The following DCC variants were observed in gnomAD, a reference collection of about 807,000 sequenced individuals.
DCC encodes the protein netrin receptor DCC.
DCC carries 58 observed loss-of-function variants against 172.5 expected under a neutral mutation model. The observed-to-expected ratio is 0.34, with a 90% confidence interval of 0.27 to 0.42. The LOEUF (loss-of-function observed/expected upper bound fraction) is 0.42, where lower values mean the gene tolerates loss of function less well. Among genes scored for constraint, DCC ranks in the 10% least tolerant of loss-of-function variants. The probability of loss-of-function intolerance (pLI) is 1.00; values close to 1 mark genes in which losing one functional copy is unlikely to be tolerated. For synonymous variants in DCC, 709 were observed against 644.5 expected, an observed-to-expected ratio of 1.10 and a Z score of -1.52; for missense variants, 1,740 against 1,791.0, an observed-to-expected ratio of 0.97 and a Z score of 0.51.
At position 52,494,406 on chromosome 18, in the gene DCC, T is replaced by C. The variant is rs544708482; in HGVS notation, c.91+153528T>C. On this transcript the variant is annotated intron_variant, in intron 1 of 28. Coordinates refer to ENST00000442544, the MANE Select transcript of DCC (RefSeq NM_005215.4). ...CAGTTTGGAAAGTCCTCAGCCATTA[T>C]GTCTTCAAAGATTGCTTTTGCCTCA... 1.1e-4 allele frequency among the ~76,000 whole-genome samples: 16 copies of C among 152,112 alleles called. No homozygotes were observed. In the South Asian group the frequency reaches 3.1e-3, roughly 30 times the overall value.
chr18:52,830,790 A>G (rs374506389), intron 2 of DCC, among the ~76,000 whole-genome samples: 66 of 152,278 alleles, frequency 4.3e-4, no homozygotes, highest in African/African-American at 1.5e-3. Flanking sequence ...CATTTCCATT[A>G]AATGTAGGTT....
intron 1 of DCC, among the ~76,000 whole-genome samples, chr18:52,368,032 A>G (rs1379331813): frequency 6.6e-6 from 1 of 152,200 alleles, no homozygotes; most frequent in Admixed American, 6.5e-5. Flanking sequence ...TGAACTTTGC[A>G]GGTTTTGGAC....
At chr18:52,412,011 G>C (rs1232102) in intron 1 of DCC, among the ~76,000 whole-genome samples, 37,253 of 151,922 alleles carry the variant, frequency 0.25, 4,666 homozygotes, top group Admixed American at 0.29. Context: ...CACATTTCAA[G>C]ATTCTATTCA....
chr18:53,072,878 C>T (rs566643464), intron 7 of DCC, among the ~76,000 whole-genome samples: 118 of 152,264 alleles, frequency 7.7e-4, no homozygotes, highest in Middle Eastern at 6.8e-3. Context: ...AGCTGTGTGA[C>T]ATTAGGCCAG....
At chr18:52,709,051 C>T (rs998459522) in intron 1 of DCC, among the ~76,000 whole-genome samples, 2 of 152,134 alleles carry the variant, frequency 1.3e-5, no homozygotes, top group African/African-American at 4.8e-5. Flanking sequence ...TTTTTCGCTA[C>T]CTCCATCCCT....
chr18:52,871,588 G>T (rs929552516), intron 2 of DCC, among the ~76,000 whole-genome samples: 2 of 152,056 alleles, frequency 1.3e-5, no homozygotes, highest in Non-Finnish European at 2.9e-5. Context: ...CTTCATAGCT[G>T]GGACTACAGG....
intron 5 of DCC, among the ~76,000 whole-genome samples, chr18:52,966,001 C>T (rs1170167401): frequency 6.6e-6 from 1 of 152,152 alleles, no homozygotes; most frequent in African/African-American, 2.4e-5. Context: ...TGTGGGGACC[C>T]ATAAAGGAAT....
intron 1 of DCC, among the ~76,000 whole-genome samples, chr18:52,705,435 GC>G (rs993384539): frequency 2.6e-5 from 4 of 152,318 alleles, no homozygotes; most frequent in African/African-American, 9.6e-5. Flanking sequence ...AAATGTTGCT[GC>G]TTGTGCAAAA....
chr18:52,472,641 G>A (rs576667223), intron 1 of DCC, among the ~76,000 whole-genome samples: 53 of 152,202 alleles, frequency 3.5e-4, no homozygotes, highest in African/African-American at 1.3e-3. Flanking sequence ...AGTGGCTCAC[G>A]CCTGCTATCC....
intron 1 of DCC, among the ~76,000 whole-genome samples, chr18:52,425,548 C>T (rs565254518): frequency 1.7e-4 from 26 of 152,212 alleles, no homozygotes; most frequent in Admixed American, 3.3e-4. Flanking sequence ...ACACTGGGAA[C>T]GTTATGACTA....
chr18:52,518,961 G>A (rs943488322), intron 1 of DCC, among the ~76,000 whole-genome samples: 4 of 152,166 alleles, frequency 2.6e-5, no homozygotes, highest in African/African-American at 9.7e-5. Context: ...CTAAATGAAG[G>A]CCAGAGAATG....
intron 1 of DCC, among the ~76,000 whole-genome samples, chr18:52,700,167 C>T (rs59570306): frequency 0.12 from 18,330 of 150,124 alleles, 1,321 homozygotes; most frequent in East Asian, 0.29. Context: ...CACATGCACA[C>T]GCACACACAC....
At chr18:53,166,432 A>G (rs1224714225) in intron 8 of DCC, among the ~76,000 whole-genome samples, 1 of 152,176 alleles carries the variant, frequency 6.6e-6, no homozygotes, top group East Asian at 1.9e-4. Flanking sequence ...TGCTCGCTAC[A>G]GCTAGAGAAG....
At chr18:52,447,574 C>T (rs1988164880) in intron 1 of DCC, among the ~76,000 whole-genome samples, 1 of 152,102 alleles carries the variant, frequency 6.6e-6, no homozygotes, top group African/African-American at 2.4e-5. Context: ...CTAGTCTGTT[C>T]TCGAACTGCT....
chr18:53,063,085 G>A (rs1300290422), intron 5 of DCC, among the ~76,000 whole-genome samples: 2 of 149,326 alleles, frequency 1.3e-5, no homozygotes, highest in African/African-American at 4.9e-5. Context: ...TTCTTTCCTT[G>A]TGGCAGAACA....
chr18:52,538,348 C>G (rs2032343881), intron 1 of DCC, among the ~76,000 whole-genome samples: 1 of 152,150 alleles, frequency 6.6e-6, no homozygotes, highest in Non-Finnish European at 1.5e-5. Flanking sequence ...CTCCTCCAAC[C>G]CACTGCAATT....
At chr18:52,993,340 C>T (rs1490357614) in intron 5 of DCC, among the ~76,000 whole-genome samples, 1 of 152,060 alleles carries the variant, frequency 6.6e-6, no homozygotes, top group East Asian at 1.9e-4. Context: ...GGCAAAGGTA[C>T]AATAATGTGC....
chr18:53,167,237 T>C (rs535843232), intron 8 of DCC, among the ~76,000 whole-genome samples: 1 of 152,328 alleles, frequency 6.6e-6, no homozygotes, highest in Admixed American at 6.5e-5. Context: ...TAAAAATGCA[T>C]GTTAGAGACT....
chr18:53,121,111 A>G (rs1000374228), intron 7 of DCC, among the ~76,000 whole-genome samples: 2 of 151,914 alleles, frequency 1.3e-5, no homozygotes, highest in African/African-American at 2.4e-5. Context: ...GTGAGATGCC[A>G]TAAAGCCATC....
Sources: gnomAD v4.1 joint callset for allele counts (sites outside exome capture counted in the v4.1 genomes callset) on GRCh38, gnomAD v4.1.1 for gene constraint, MANE v1.5 for transcripts, NCBI Gene and HGNC (gene_info 2026-07-23, HGNC 2026-07-21) for gene names.